The following PEX5L variants were observed in gnomAD, a reference collection of about 807,000 sequenced individuals.
PEX5L encodes PEX5-related protein.
Under a neutral mutation model 84.0 loss-of-function variants are expected in PEX5L, and 30 were observed. The observed-to-expected ratio is 0.36, with a 90% confidence interval of 0.27 to 0.48. The LOEUF (loss-of-function observed/expected upper bound fraction) is 0.48, where lower values mean the gene tolerates loss of function less well. Ranked by LOEUF, PEX5L falls within the 20% of genes least tolerant of loss-of-function variation. The probability of loss-of-function intolerance (pLI) is 0.99; values close to 1 mark genes in which losing one functional copy is unlikely to be tolerated. For missense variants in PEX5L, 533 were observed against 754.6 expected (o/e 0.71, Z 3.44); for synonymous variants, 270 against 283.1 (o/e 0.95, Z 0.46).
At chr3:180,018,873 G>GTTT (rs199784208) in intron 1 of PEX5L, among the ~76,000 whole-genome samples, 303 of 145,542 alleles carry the variant, frequency 2.1e-3, no homozygotes, top group African/African-American at 7.6e-3. Context: ...CAAGTTGTCT[G>GTTT]TTTTTTGTTG....
In PEX5L at chr3:179,998,347, C is replaced by T. The variant is rs145606263; in HGVS notation, c.22-26682G>A. ...TGCCAGTTTGGAGTGGGGTCCAGAACAGGAAAAGGCTTTGCAACAGGTCCA... is the reference window on the plus strand; with the variant it reads ...TGCCAGTTTGGAGTGGGGTCCAGAATAGGAAAAGGCTTTGCAACAGGTCCA... On this transcript the variant is annotated intron_variant, in intron 1 of 14. Coordinates refer to ENST00000467460, the MANE Select transcript of PEX5L (RefSeq NM_016559.3). Among the ~76,000 whole-genome samples the T allele has an allele frequency of 4.4e-4, 67 of 152,252 alleles. 1 individual carries two copies. The East Asian group carries it at 8.7e-3, about 20-fold the overall frequency.
chr3:180,023,455 C>T (rs575900943), intron 1 of PEX5L, among the ~76,000 whole-genome samples: 1 of 152,144 alleles, frequency 6.6e-6, no homozygotes, highest in Non-Finnish European at 1.5e-5. Flanking sequence ...TTAGGAGAGG[C>T]TGATCTTTGG....
chr3:179,805,604 C>A (rs1396260139), intron 14 of PEX5L, among the ~76,000 whole-genome samples: 1 of 152,138 alleles, frequency 6.6e-6, no homozygotes, highest in African/African-American at 2.4e-5. Flanking sequence ...AGATGAGGAA[C>A]CCATGGATAT....
In PEX5L at chr3:179,975,170, C is replaced by A. The variant is rs560459556; in HGVS notation, c.22-3505G>T. Among the ~76,000 whole-genome samples, 35 of 152,076 alleles carry A rather than the reference C, an allele frequency of 2.3e-4. No homozygotes were observed. In the South Asian group the frequency reaches 5.6e-3, roughly 24 times the overall value. On this transcript the variant is annotated intron_variant, in intron 1 of 14. Transcript: ENST00000467460. ...CACTATTGCACTCCAGCCTGGGTGA[C>A]AGAGTGAGACCCTGTCTCTAAAATA...
At chr3:179,961,953 G>C (rs1203480481) in intron 2 of PEX5L, among the ~76,000 whole-genome samples, 5 of 152,210 alleles carry the variant, frequency 3.3e-5, no homozygotes, top group Non-Finnish European at 7.3e-5. Flanking sequence ...CCTGAGAGAT[G>C]AGCTGTAGAA....
intron 14 of PEX5L, among the ~76,000 whole-genome samples, chr3:179,805,357 G>A (rs1455884075): frequency 1.3e-5 from 2 of 151,934 alleles, no homozygotes; most frequent in Non-Finnish European, 2.9e-5. Context: ...TGGTATCCGT[G>A]GGGGATTGGT....
chr3:179,840,440 C>T (rs368382015), intron 8 of PEX5L, among the ~76,000 whole-genome samples: 5 of 150,992 alleles, frequency 3.3e-5, no homozygotes, highest in African/African-American at 7.3e-5. Flanking sequence ...CCACTCACCT[C>T]GGCCTCCCAA....
intron 2 of PEX5L, among the ~76,000 whole-genome samples, chr3:179,922,743 T>C (rs1398491834): frequency 1.3e-5 from 2 of 151,620 alleles, no homozygotes; most frequent in Non-Finnish European, 2.9e-5. Context: ...CGTGAGCCAC[T>C]GTGCCCAGCC....
rs915232550 is a variant in PEX5L, at chr3:179,834,032, G to T, written c.823-14056C>A. On this transcript the variant is annotated intron_variant, in intron 8 of 14. Transcript: ENST00000467460. Reference sequence around the variant, plus strand: ...ATTTTTATTTTTTTGTGGAGACAGGGTCTCCATATGTTGCCCAGATTGGTC... The same window carrying T: ...ATTTTTATTTTTTTGTGGAGACAGGTTCTCCATATGTTGCCCAGATTGGTC... Among the ~76,000 whole-genome samples the T allele has an allele frequency of 1.4e-4, 21 of 151,884 alleles. No individual in the cohort carries two copies. In the South Asian group the frequency reaches 1.9e-3, roughly 14 times the overall value.
chr3:179,992,780 A>C (rs1241750273), intron 1 of PEX5L, among the ~76,000 whole-genome samples: 1 of 152,192 alleles, frequency 6.6e-6, no homozygotes, highest in African/African-American at 2.4e-5. Flanking sequence ...ATAAAATCAT[A>C]ATACAAGAAG....
At chr3:179,859,849 A>C (rs1745379693) in intron 7 of PEX5L, among the ~76,000 whole-genome samples, 1 of 152,234 alleles carries the variant, frequency 6.6e-6, no homozygotes. Context: ...ATATTTTCAG[A>C]AGACCTTTCC....
At chr3:179,979,858 A>C (rs1211332751) in intron 1 of PEX5L, among the ~76,000 whole-genome samples, 1 of 152,204 alleles carries the variant, frequency 6.6e-6, no homozygotes, top group African/African-American at 2.4e-5. Context: ...CAGCAATCTC[A>C]AACACAGGTG....
intron 2 of PEX5L, among the ~76,000 whole-genome samples, chr3:179,933,550 T>A (rs1421592110): frequency 6.6e-6 from 1 of 152,190 alleles, no homozygotes; most frequent in Non-Finnish European, 1.5e-5. Context: ...TGGAAACTAG[T>A]CTGAAAATTG....
chr3:179,946,754 C>A (rs1023498424), intron 2 of PEX5L, among the ~76,000 whole-genome samples: 4 of 152,178 alleles, frequency 2.6e-5, no homozygotes, highest in African/African-American at 4.8e-5. Flanking sequence ...GACTGAGAAC[C>A]AGGAGCTAGA....
At chr3:180,020,442 G>A (rs1478156408) in intron 1 of PEX5L, among the ~76,000 whole-genome samples, 1 of 151,504 alleles carries the variant, frequency 6.6e-6, no homozygotes, top group Non-Finnish European at 1.5e-5. Context: ...TATTTAAATT[G>A]CTTTTTTATT....
chr3:180,001,199 C>T (rs1561045883), intron 1 of PEX5L, among the ~76,000 whole-genome samples: 1 of 151,980 alleles, frequency 6.6e-6, no homozygotes, highest in African/African-American at 2.4e-5. Context: ...CCTTGAACAT[C>T]GGACTCCAAG....
rs140152801 is a variant in PEX5L at position 180,001,850 on chromosome 3, T to A, written c.22-30185A>T. ...AAATACACACTTATCCATCCATGAA[T>A]AATCAACAAGATAATGTTTATTTTA... On this transcript the variant is annotated intron_variant, in intron 1 of 14. Transcript: ENST00000467460. Among the ~76,000 whole-genome samples the A allele has an allele frequency of 9.8e-5, 15 of 152,304 alleles. 1 individual carries two copies. Among genetic ancestry groups the A allele is most frequent in the African/African-American group, 2.9e-4 (12 of 41,570 alleles).
chr3:179,815,754 T>C, intron 10 of PEX5L, 107 bp downstream of exon 10: 1 of 1,251,614 alleles, frequency 8.0e-7, no homozygotes, highest in Non-Finnish European at 1.1e-6. Context: ...TTAACTCCTC[T>C]GGGAACCTTT....
chr3:179,966,706 T>C (rs1257208806), intron 2 of PEX5L, among the ~76,000 whole-genome samples: 2 of 152,228 alleles, frequency 1.3e-5, no homozygotes, highest in Non-Finnish European at 2.9e-5. Context: ...CCAACTTGAA[T>C]GCTTATGAGC....
Sources: gnomAD v4.1 joint callset for allele counts (sites outside exome capture counted in the v4.1 genomes callset) on GRCh38, gnomAD v4.1.1 for gene constraint, MANE v1.5 for transcripts, NCBI Gene and HGNC (gene_info 2026-07-23, HGNC 2026-07-21) for gene names.